PLXNC1: variants seen among roughly 807,000 people sequenced by gnomAD.
The protein encoded by PLXNC1 is plexin-C1.
In PLXNC1, 75 loss-of-function variants were observed where a neutral mutation model predicts 178.2. The ratio of observed to expected loss-of-function variants is 0.42; its 90% confidence interval spans 0.35 to 0.51. The LOEUF (loss-of-function observed/expected upper bound fraction) is 0.51. Ranked by LOEUF, PLXNC1 falls within the 20% of genes least tolerant of loss-of-function variation. The probability of loss-of-function intolerance (pLI) is 0.02; values close to 1 mark genes in which losing one functional copy is unlikely to be tolerated. For synonymous variants in PLXNC1, 790 were observed against 779.9 expected, an observed-to-expected ratio of 1.01 and a Z score of -0.22; for missense variants, 1,503 against 1,984.4, an observed-to-expected ratio of 0.76 and a Z score of 4.61.
At chr12:94,208,580 C>T (rs1258549796) in intron 4 of PLXNC1, among the ~76,000 whole-genome samples, 1 of 152,230 alleles carries the variant, frequency 6.6e-6, no homozygotes, top group Non-Finnish European at 1.5e-5. Flanking sequence ...TTTTCAATCT[C>T]ATGATTCATG....
chr12:94,185,057 T>C (rs529387918), intron 3 of PLXNC1, among the ~76,000 whole-genome samples: 2 of 152,338 alleles, frequency 1.3e-5, no homozygotes, highest in Non-Finnish European at 2.9e-5. Context: ...GAAGTCGTGA[T>C]CCATTTTACA....
intron 15 of PLXNC1, 44 bp downstream of exon 15, chr12:94,251,572 G>C: frequency 8.0e-7 from 1 of 1,245,382 alleles, no homozygotes; most frequent in Non-Finnish European, 1.2e-6. Flanking sequence ...ATTCCCTGGG[G>C]CCTCTCGCCG....
rs189335095 is a variant in PLXNC1, at chr12:94,198,364, C to T, written c.1440-11226C>T. Among the ~76,000 whole-genome samples the T allele has an allele frequency of 4.0e-3, 607 of 152,232 alleles. 7 individuals are homozygous for T. The highest frequency in any genetic ancestry group is 0.021 in the Admixed American group (321 of 15,274). ...ACATGGACACAGGGAGGGGACAACA[C>T]ACATAGGCTCAGCTAATGCAAGCTG... On this transcript the variant is annotated intron_variant, in intron 4 of 30. Coordinates refer to ENST00000258526, the MANE Select transcript of PLXNC1 (RefSeq NM_005761.3).
chr12:94,249,946 T>TGGGGGGGA (rs1270389031), intron 14 of PLXNC1, among the ~76,000 whole-genome samples: 9 of 24,476 alleles, frequency 3.7e-4, no homozygotes, highest in Admixed American at 9.1e-4. Flanking sequence ...GGTGGGGGGG[T>TGGGGGGGA]GGGAACAGGA....
chr12:94,153,941 T>C (rs1961057479), intron 1 of PLXNC1, among the ~76,000 whole-genome samples: 1 of 152,226 alleles, frequency 6.6e-6, no homozygotes, highest in South Asian at 2.1e-4. Flanking sequence ...CTTCTTGTGA[T>C]GTTTATTTCT....
At chr12:94,257,917 T>G (rs73368551) in intron 17 of PLXNC1, among the ~76,000 whole-genome samples, 1 of 132,654 alleles carries the variant, frequency 7.5e-6, no homozygotes, top group African/African-American at 2.9e-5. Context: ...TCAAAAAAAA[T>G]AATAAATAAA....
In PLXNC1 at chr12:94,248,035, C is replaced by T. The variant is rs1476227483; in HGVS notation, c.2521C>T (p.Arg841Trp). Residue 841 changes from arginine (R) to tryptophan (W), a missense_variant, in exon 13 of 31, where the codon CGG (arginine) becomes TGG (tryptophan). Arg to Trp is a moderately radical substitution (Grantham distance 101). This residue lies in a region of PLXNC1 where 639 missense variants were observed against 979.7 expected (regional missense o/e 0.65). Coordinates refer to ENST00000258526, the MANE Select transcript of PLXNC1 (RefSeq NM_005761.3). The part of the protein sequence containing the change: ...TYLDCGTLQY[R>W]EDPRFTGYRV... ...CTTGGATTGTGGAACCCTGCAGTATCGGGAGGACCCCAGATTCACGGGGTA... is the reference window on the plus strand; with the variant it reads ...CTTGGATTGTGGAACCCTGCAGTATTGGGAGGACCCCAGATTCACGGGGTA... 16 of 1,613,918 alleles carry T rather than the reference C, an allele frequency of 9.9e-6. No individual in the cohort carries two copies. The highest frequency in any genetic ancestry group is 5.0e-5 in the Admixed American group (3 of 59,994).
Position 94,148,902 on chromosome 12 carries a change from T to C in PLXNC1, c.-70T>C, listed in dbSNP as rs1248555505. ...GGAACCGCCGCCGCCGCCGCCCGCG[T>C]CTCCGTTGCCGCGCGCCTGAGCCGC... On this transcript the variant is annotated 5_prime_UTR_variant, in exon 1 of 31. Coordinates refer to ENST00000258526, the MANE Select transcript of PLXNC1 (RefSeq NM_005761.3). The surrounding 1 kb of genome is among the most constrained non-coding windows in gnomAD (Gnocchi z 4.8). The C allele has an allele frequency of 2.1e-5, 9 of 421,156 alleles. No homozygotes were observed. The highest frequency in any genetic ancestry group is 3.0e-5 in the Non-Finnish European group (9 of 303,662). 26.1% of individuals were successfully genotyped at this position (421,156 alleles called of 1,614,324 possible). A position where few individuals can be genotyped will look rare whatever the true frequency, so the allele number is the denominator to read the frequency against.
At chr12:94,188,169 T>G (rs941577647) in intron 4 of PLXNC1, among the ~76,000 whole-genome samples, 3 of 151,898 alleles carry the variant, frequency 2.0e-5, no homozygotes. Context: ...GGGAATGCCA[T>G]GGTTAGGAGT....
chr12:94,245,998 A>C (rs568698508), intron 12 of PLXNC1, among the ~76,000 whole-genome samples: 4 of 152,286 alleles, frequency 2.6e-5, no homozygotes, highest in Non-Finnish European at 5.9e-5. Context: ...TACCAATGGG[A>C]AAAGAGACTA....
rs530464185 is a variant in PLXNC1, at chr12:94,213,509, T to C, written c.1554+3805T>C. Among the ~76,000 whole-genome samples the C allele has an allele frequency of 1.1e-4, 17 of 152,352 alleles. No homozygotes were observed. In the South Asian group the frequency reaches 3.5e-3, roughly 32 times the overall value. On this transcript the variant is annotated intron_variant, in intron 5 of 30. Coordinates refer to ENST00000258526, the MANE Select transcript of PLXNC1 (RefSeq NM_005761.3). ...ACTTTTTGATGGGGTCGTTTGCTTT[T>C]TCTTGTAAATGTGTTTGAGTTCTTT...
intron 22 of PLXNC1, among the ~76,000 whole-genome samples, chr12:94,280,826 TCTTTTCCTGAGTTTGGGTGTCC>T (rs1458373357): frequency 5.9e-5 from 9 of 152,206 alleles, no homozygotes; most frequent in African/African-American, 2.2e-4. Flanking sequence ...GCATCCTTAC[TCTTTTCCTGAGTTTGGGTGTCC>T]CTTGCCTCCT....
chr12:94,201,202 C>G (rs1407847777), intron 4 of PLXNC1, among the ~76,000 whole-genome samples: 1 of 152,176 alleles, frequency 6.6e-6, no homozygotes, highest in African/African-American at 2.4e-5. Flanking sequence ...CCAAAGAACC[C>G]TTTAATATTT....
At chr12:94,295,729 C>G (rs1967852786) in intron 24 of PLXNC1, among the ~76,000 whole-genome samples, 1 of 152,178 alleles carries the variant, frequency 6.6e-6, no homozygotes, top group Non-Finnish European at 1.5e-5. Context: ...TAATGGCACA[C>G]AGTGGGTCAC....
chr12:94,191,875 A>G (rs1382629008), intron 4 of PLXNC1, among the ~76,000 whole-genome samples: 2 of 152,070 alleles, frequency 1.3e-5, no homozygotes, highest in Admixed American at 6.6e-5. Context: ...CTCAGATCCA[A>G]CCTGTGCTGA....
chr12:94,282,449 A>C (rs1966516919), intron 23 of PLXNC1, 48 bp downstream of exon 23: 2 of 1,209,140 alleles, frequency 1.7e-6, no homozygotes, highest in African/African-American at 3.0e-5. Context: ...CCCCAATCCT[A>C]GTCCCATGGA....
intron 2 of PLXNC1, among the ~76,000 whole-genome samples, chr12:94,170,763 G>A (rs1247816408): frequency 6.6e-6 from 1 of 152,190 alleles, no homozygotes; most frequent in Non-Finnish European, 1.5e-5. Flanking sequence ...AGGAAACCCA[G>A]TAACATATGG....
At chr12:94,274,575 G>A (rs560299342) in intron 21 of PLXNC1, among the ~76,000 whole-genome samples, 2 of 152,316 alleles carry the variant, frequency 1.3e-5, no homozygotes, top group African/African-American at 4.8e-5. Flanking sequence ...GAAGAGGCAG[G>A]GCAGTCCCTC....
chr12:94,156,865 G>A (rs1270657767), intron 1 of PLXNC1, among the ~76,000 whole-genome samples: 1 of 151,880 alleles, frequency 6.6e-6, no homozygotes, highest in Non-Finnish European at 1.5e-5. Context: ...ACACCACCAT[G>A]CCAGGCTGAT....
Sources: gnomAD v4.1 joint callset for allele counts (sites outside exome capture counted in the v4.1 genomes callset) on GRCh38, gnomAD v4.1.1 for gene constraint, gnomAD v4.1.1 regional missense constraint, Gnocchi (gnomAD v3.1) non-coding constraint, MANE v1.5 for transcripts, NCBI Gene and HGNC (gene_info 2026-07-23, HGNC 2026-07-21) for gene names.